The following BCAS3 variants were observed in gnomAD, a reference collection of about 807,000 sequenced individuals.
BCAS3 encodes the protein BCAS3 microtubule associated cell migration factor.
A neutral mutation model predicts 116.1 loss-of-function variants in BCAS3; 53 were observed. The observed-to-expected ratio is 0.46, with a 90% CI of 0.37 to 0.57. The LOEUF is 0.57. Ranked by LOEUF, BCAS3 falls within the 20% of genes least tolerant of loss-of-function variation. The pLI is 0.00. For missense variants in BCAS3, 917 were observed against 1,165.4 expected (o/e 0.79, Z 3.10); for synonymous variants, 391 against 408.2 (o/e 0.96, Z 0.51).
chr17:61,131,078 G>A lies in BCAS3; in HGVS notation c.2425+46514G>A, dbSNP rs565098169. On this transcript the variant is annotated intron_variant, in intron 22 of 23. Transcript: ENST00000407086. This position sits in a 1 kb window ranked among gnomAD's most constrained non-coding sequence, Gnocchi z 4.4. ...CTCAAAAAGGGGGAAAAAAAAAGAT[G>A]TTGGAGACCTAGGTTCTAGAGTAAA... Among the ~76,000 whole-genome samples, 12 of 152,168 alleles carry A rather than the reference G, an allele frequency of 7.9e-5. No homozygotes were observed. In the East Asian group the frequency reaches 1.9e-3, roughly 25 times the overall value.
chr17:61,081,938 A>G (rs1238410963), intron 21 of BCAS3, among the ~76,000 whole-genome samples: 1 of 152,180 alleles, frequency 6.6e-6, no homozygotes, highest in Non-Finnish European at 1.5e-5. Flanking sequence ...GACACCTAGT[A>G]CACTGTCCTG....
intron 22 of BCAS3, among the ~76,000 whole-genome samples, chr17:61,263,035 A>G (rs558481159): frequency 6.6e-6 from 1 of 152,318 alleles, no homozygotes; most frequent in South Asian, 2.1e-4. Flanking sequence ...CCCCAAGTTA[A>G]TCTAGAAATT....
At chr17:61,061,480 C>T (rs569528002) in intron 19 of BCAS3, among the ~76,000 whole-genome samples, 18 of 152,332 alleles carry the variant, frequency 1.2e-4, no homozygotes, top group African/African-American at 4.3e-4. Flanking sequence ...TCAACTGTGC[C>T]ATTGTAGATG....
At chr17:61,046,382 A>C (rs1322128005) in intron 19 of BCAS3, among the ~76,000 whole-genome samples, 2 of 151,220 alleles carry the variant, frequency 1.3e-5, no homozygotes, top group Non-Finnish European at 3.0e-5. Flanking sequence ...TTCTCAAAGA[A>C]TTTTCAAATA....
chr17:60,913,204 T>C (rs2058608332), intron 12 of BCAS3, among the ~76,000 whole-genome samples: 1 of 152,096 alleles, frequency 6.6e-6, no homozygotes, highest in East Asian at 1.9e-4. Flanking sequence ...AGAAGAATCA[T>C]AGAAATGTTA....
chr17:60,771,237 A>G (rs369512420), intron 6 of BCAS3, among the ~76,000 whole-genome samples: 1 of 149,918 alleles, frequency 6.7e-6, no homozygotes, highest in South Asian at 2.1e-4. Flanking sequence ...CTTCGTTTCT[A>G]TTTTTTTTTC....
intron 7 of BCAS3, among the ~76,000 whole-genome samples, chr17:60,818,779 A>G (rs558855261): frequency 6.6e-6 from 1 of 152,232 alleles, no homozygotes; most frequent in East Asian, 1.9e-4. Context: ...GCTCTCTGCC[A>G]TGGCTCTGTG....
chr17:61,273,135 T>A (rs955529563), intron 22 of BCAS3, among the ~76,000 whole-genome samples: 1 of 151,454 alleles, frequency 6.6e-6, no homozygotes, highest in African/African-American at 2.4e-5. Context: ...TGAGACATGG[T>A]CTCACTTTGT....
At position 61,376,451 on chromosome 17, in the gene BCAS3, C is replaced by A. The variant is rs572439920; in HGVS notation, c.2593+7957C>A. On this transcript the variant is annotated intron_variant, in intron 23 of 23. Coordinates refer to ENST00000407086, the MANE Select transcript of BCAS3 (RefSeq NM_017679.5). This position sits in a 1 kb window ranked among gnomAD's most constrained non-coding sequence, Gnocchi z 4.5. Reference sequence around the variant, plus strand: ...CTCTTCCTACAGCCACTCTATCAGGCAAACTGGTATTTACCCCAGATACCC... The same window carrying A: ...CTCTTCCTACAGCCACTCTATCAGGAAAACTGGTATTTACCCCAGATACCC... Among the ~76,000 whole-genome samples the A allele has an allele frequency of 7.6e-4, 116 of 152,330 alleles. 1 individual carries two copies. The highest frequency in any genetic ancestry group is 2.6e-3 in the African/African-American group (106 of 41,560).
chr17:61,376,833 C>T lies in BCAS3; in HGVS notation c.2593+8339C>T, dbSNP rs77776154. Among the ~76,000 whole-genome samples, 891 of 152,326 alleles carry T rather than the reference C, an allele frequency of 5.8e-3. 10 individuals carry two copies. The highest frequency in any genetic ancestry group is 0.021 in the African/African-American group (856 of 41,572). ...TCTAATTGGGCCCTGGAGTTTTCCT[C>T]CTTCTACAGCATCTACAAAAGTTCT... On this transcript the variant is annotated intron_variant, in intron 23 of 23. Transcript: ENST00000407086. The surrounding 1 kb of genome is among the most constrained non-coding windows in gnomAD (Gnocchi z 4.5).
intron 5 of BCAS3, among the ~76,000 whole-genome samples, chr17:60,728,435 G>A (rs764679921): frequency 2.0e-5 from 3 of 151,750 alleles, no homozygotes; most frequent in Non-Finnish European, 4.4e-5. Flanking sequence ...TTCATTGTAT[G>A]GAATACCACA....
Position 60,902,613 on chromosome 17 carries a change from T to C in BCAS3, c.739-7T>C. 3.8e-6 allele frequency: 6 copies of C among 1,599,778 alleles called. No individual in the cohort carries two copies. Among genetic ancestry groups the C allele is most frequent in the Non-Finnish European group, 5.1e-6 (6 of 1,167,052 alleles). ...ACGTTCTGCTTCTCTCTCTCTCTTTTTCTCAGTTGATTCGATGTCATCAGT... is the reference window on the plus strand; with the variant it reads ...ACGTTCTGCTTCTCTCTCTCTCTTTCTCTCAGTTGATTCGATGTCATCAGT... On this transcript the variant is annotated splice_polypyrimidine_tract_variant and splice_region_variant and intron_variant, in intron 10 of 23. Transcript: ENST00000407086.
intron 22 of BCAS3, among the ~76,000 whole-genome samples, chr17:61,166,778 A>G (rs556174394): frequency 6.6e-6 from 1 of 152,266 alleles, no homozygotes; most frequent in African/African-American, 2.4e-5. Flanking sequence ...TAGTGGCACA[A>G]TCATAGATCA....
At chr17:61,386,897 G>C (rs2059888876) in intron 23 of BCAS3, among the ~76,000 whole-genome samples, 1 of 149,144 alleles carries the variant, frequency 6.7e-6, no homozygotes, top group Non-Finnish European at 1.5e-5. Flanking sequence ...TCCTGCCTCA[G>C]CCTCCTGAGT....
intron 22 of BCAS3, among the ~76,000 whole-genome samples, chr17:61,157,110 G>A (rs940819354): frequency 2.0e-5 from 3 of 152,080 alleles, no homozygotes; most frequent in Non-Finnish European, 4.4e-5. Flanking sequence ...TTTCTTTCCT[G>A]TTTCTTTGCT....
At chr17:60,792,660 C>G (rs557769960) in intron 6 of BCAS3, among the ~76,000 whole-genome samples, 3 of 152,290 alleles carry the variant, frequency 2.0e-5, no homozygotes, top group African/African-American at 7.2e-5. Flanking sequence ...TGAGTGAGTT[C>G]TAGTTTCCAG....
chr17:60,979,760 G>GTT (rs1333743826), intron 14 of BCAS3, among the ~76,000 whole-genome samples: 9 of 152,086 alleles, frequency 5.9e-5, no homozygotes, highest in Non-Finnish European at 2.9e-5. Flanking sequence ...TAATCACGTG[G>GTT]TTTTTGTCTT....
chr17:61,048,742 A>G (rs1050409312), intron 19 of BCAS3, among the ~76,000 whole-genome samples: 6 of 151,940 alleles, frequency 3.9e-5, no homozygotes, highest in African/African-American at 1.2e-4. Context: ...TTCACAGAGA[A>G]AAAATGCTGA....
At chr17:60,881,061 G>A (rs1385216264) in intron 9 of BCAS3, among the ~76,000 whole-genome samples, 2 of 152,038 alleles carry the variant, frequency 1.3e-5, no homozygotes, top group Non-Finnish European at 2.9e-5. Flanking sequence ...TGCAAGCTCC[G>A]CCTCCTGGGT....
Sources: allele counts gnomAD v4.1 joint callset (sites outside exome capture counted in the v4.1 genomes callset), GRCh38; gene constraint gnomAD v4.1.1; non-coding constraint Gnocchi (gnomAD v3.1); transcripts MANE v1.5; gene names NCBI Gene and HGNC (gene_info 2026-07-23, HGNC 2026-07-21).